IRAK3: variants seen among roughly 807,000 people sequenced by gnomAD.
IRAK3 encodes interleukin 1 receptor associated kinase 3, also known as interleukin-1 receptor-associated kinase 3.
In IRAK3, 57 loss-of-function variants were observed where a neutral mutation model predicts 56.6. The ratio of observed to expected loss-of-function variants is 1.01; its 90% CI spans 0.81 to 1.26. The LOEUF (loss-of-function observed/expected upper bound fraction) is 1.26, where lower values mean the gene tolerates loss of function less well. Ranked by LOEUF, IRAK3 falls within the 50% of genes most tolerant of loss-of-function variation. The pLI, the probability that IRAK3 is intolerant of heterozygous loss-of-function variation, is 0.00. For missense variants in IRAK3, 703 were observed against 719.0 expected (o/e 0.98, Z 0.25); for synonymous variants, 258 against 255.7 (o/e 1.01, Z -0.09).
chr12:66,215,796 A>G (rs868675601), intron 5 of IRAK3, among the ~76,000 whole-genome samples: 8,679 of 57,236 alleles, frequency 0.15, 816 homozygotes, highest in African/African-American at 0.3. Context: ...GCACACACAC[A>G]CACACACACA....
At chr12:66,234,278 G>C in intron 8 of IRAK3, 1 of 1,613,074 alleles carries the variant, frequency 6.2e-7, no homozygotes, top group South Asian at 1.1e-5. Context: ...CTGGGCCAGA[G>C]GGCTGATCAT....
At chr12:66,199,361 C>A (rs537086880) in intron 1 of IRAK3, among the ~76,000 whole-genome samples, 2 of 152,240 alleles carry the variant, frequency 1.3e-5, no homozygotes, top group East Asian at 3.9e-4. Flanking sequence ...CTGTACTCAC[C>A]CAGAGGCCCA....
At chr12:66,200,748 A>G (rs1011153277) in intron 1 of IRAK3, among the ~76,000 whole-genome samples, 2 of 152,160 alleles carry the variant, frequency 1.3e-5, no homozygotes, top group Non-Finnish European at 2.9e-5. Context: ...CTTGATTTCA[A>G]ATATTATAAC....
chr12:66,195,093 G>T (rs892001023), intron 1 of IRAK3, among the ~76,000 whole-genome samples: 1 of 152,146 alleles, frequency 6.6e-6, no homozygotes, highest in African/African-American at 2.4e-5. Context: ...CCCTCCCAAA[G>T]TTTTCCCATC....
At position 66,203,888 on chromosome 12, in the gene IRAK3, A is replaced by G; in HGVS notation, c.311A>G (p.Asn104Ser). ...CGTCGAGCTATTCATTTAATTACAA[A>G]CTATGGTAAATGCTGATTCTTATAA... ...GHRRAIHLIT[N>S]YGAVLSPSEK... The change falls in exon 2 of 12, where the codon AAC becomes AGC. Residue 104 changes from asparagine to serine, a missense_variant. Asn to Ser is a conservative substitution (Grantham distance 46, BLOSUM62 1). Coordinates refer to ENST00000261233, the MANE Select transcript of IRAK3 (RefSeq NM_007199.3). 1 of 1,612,344 alleles carries G rather than the reference A, an allele frequency of 6.2e-7. No individual in the cohort carries two copies. The highest frequency in any genetic ancestry group is 8.5e-7 in the Non-Finnish European group (1 of 1,178,368).
chr12:66,218,658 G>A (rs748654901), intron 6 of IRAK3, among the ~76,000 whole-genome samples: 12 of 152,142 alleles, frequency 7.9e-5, no homozygotes, highest in Non-Finnish European at 1.5e-4. Context: ...AATAAAAATT[G>A]TATATATTAA....
chr12:66,201,739 T>G (rs1166332434), intron 1 of IRAK3, among the ~76,000 whole-genome samples: 1 of 152,218 alleles, frequency 6.6e-6, no homozygotes, highest in Non-Finnish European at 1.5e-5. Flanking sequence ...ATTTAAAGCC[T>G]AGTATGCTAG....
At chr12:66,216,178 T>A (rs940729267) in intron 5 of IRAK3, among the ~76,000 whole-genome samples, 3 of 152,186 alleles carry the variant, frequency 2.0e-5, no homozygotes, top group Non-Finnish European at 4.4e-5. Context: ...TTTTTCAGAC[T>A]GGAAAACTAT....
At chr12:66,195,658 T>C (rs1219462207) in intron 1 of IRAK3, among the ~76,000 whole-genome samples, 5 of 152,168 alleles carry the variant, frequency 3.3e-5, no homozygotes, top group African/African-American at 9.7e-5. Flanking sequence ...ACCACTCTTT[T>C]GTTTTGTTTT....
At chr12:66,246,831 A>G (rs2053037878) in intron 11 of IRAK3, among the ~76,000 whole-genome samples, 1 of 152,202 alleles carries the variant, frequency 6.6e-6, no homozygotes, top group South Asian at 2.1e-4. Context: ...TATTAATTAC[A>G]TCAAGGGTTC....
In IRAK3 at chr12:66,253,414, G is replaced by A. The variant is rs534609181; in HGVS notation, c.*5243G>A. The A allele has an allele frequency of 1.3e-5, 2 of 152,262 alleles. No individual in the cohort carries two copies. Among genetic ancestry groups the A allele is most frequent in the South Asian group, 2.1e-4 (1 of 4,826 alleles). 9.4% of individuals were successfully genotyped at this position (152,262 alleles called of 1,614,324 possible). A position where few individuals can be genotyped will look rare whatever the true frequency, so the allele number is the denominator to read the frequency against. Reference sequence around the variant, plus strand: ...GGCAGGAAATAAACTGATGTTTGTTGTGTTTTGTATCTGTCTTCCCGTTCC... The same window carrying A: ...GGCAGGAAATAAACTGATGTTTGTTATGTTTTGTATCTGTCTTCCCGTTCC... On this transcript the variant is annotated 3_prime_UTR_variant, in exon 12 of 12. Transcript: ENST00000261233.
chr12:66,229,341 T>C (rs2052821284), intron 8 of IRAK3, among the ~76,000 whole-genome samples: 1 of 152,258 alleles, frequency 6.6e-6, no homozygotes, highest in African/African-American at 2.4e-5. Flanking sequence ...TTTTTTCTAT[T>C]TGCCCTTTAT....
chr12:66,216,325 G>T (rs1396492641), intron 5 of IRAK3, among the ~76,000 whole-genome samples: 4 of 152,164 alleles, frequency 2.6e-5, no homozygotes, highest in Non-Finnish European at 5.9e-5. Flanking sequence ...CCTTGAAAAT[G>T]ATTTTTTAGC....
chr12:66,228,503 A>C, intron 8 of IRAK3, 133 bp downstream of exon 8: 1 of 722,704 alleles, frequency 1.4e-6, no homozygotes, highest in Non-Finnish European at 2.5e-6. Context: ...TCATCTAGGT[A>C]TTTAAAAATC....
At chr12:66,190,982 T>A (rs2052393553) in intron 1 of IRAK3, among the ~76,000 whole-genome samples, 1 of 152,224 alleles carries the variant, frequency 6.6e-6, no homozygotes, top group Non-Finnish European at 1.5e-5. Flanking sequence ...GCAGCCCTAT[T>A]TTCCTAGTGG....
At chr12:66,243,717 A>G (rs2052996683) in intron 8 of IRAK3, among the ~76,000 whole-genome samples, 1 of 152,150 alleles carries the variant, frequency 6.6e-6, no homozygotes, top group Admixed American at 6.6e-5. Flanking sequence ...TGGCGAAGGA[A>G]ACTGTGGGTG....
At chr12:66,240,020 G>A (rs898769359) in intron 8 of IRAK3, among the ~76,000 whole-genome samples, 1 of 152,100 alleles carries the variant, frequency 6.6e-6, no homozygotes, top group African/African-American at 2.4e-5. Context: ...ACAACCCCCT[G>A]TATTTTTGTT....
rs368882241 is a variant in IRAK3 at position 66,247,777 on chromosome 12, C to G, written c.1397C>G (p.Pro466Arg). ...ACATCACTAAAGTCCTTCAGGTGTC[C>G]TTCTCCTCTATTCCTGGAGAATGTA... Reference protein sequence around the residue: ...PPTSLKSFRCPSPLFLENVPS... With the variant: ...PPTSLKSFRCRSPLFLENVPS... The change falls in exon 12 of 12, where the codon CCT becomes CGT. Residue 466 changes from proline to arginine, a missense_variant. Physicochemically the swap from Pro to Arg is moderately radical, Grantham distance 103. Transcript: ENST00000261233. 1.0e-3 allele frequency: 1,640 copies of G among 1,614,000 alleles called. 27 individuals carry two copies. The South Asian group carries it at 0.017, about 17-fold the overall frequency.
At chr12:66,196,296 G>T (rs1276029267) in intron 1 of IRAK3, among the ~76,000 whole-genome samples, 1 of 152,048 alleles carries the variant, frequency 6.6e-6, no homozygotes, top group Non-Finnish European at 1.5e-5. Context: ...TAAAAACCTT[G>T]TTGGGTTGTC....
Sources: allele counts gnomAD v4.1 joint callset (sites outside exome capture counted in the v4.1 genomes callset), GRCh38; gene constraint gnomAD v4.1.1; transcripts MANE v1.5; gene names NCBI Gene and HGNC (gene_info 2026-07-23, HGNC 2026-07-21).